The following ACAT1 variants were observed in gnomAD, a reference collection of about 807,000 sequenced individuals.
ACAT1 encodes the protein acetyl-CoA acetyltransferase, mitochondrial.
ACAT1 carries 28 observed loss-of-function variants against 47.3 expected under a neutral mutation model. That is an observed-to-expected ratio of 0.59 (90% CI 0.44 to 0.81). ACAT1 has a LOEUF of 0.81. Among genes scored for constraint, ACAT1 ranks in the 30% least tolerant of loss-of-function variants. The pLI, the probability that ACAT1 is intolerant of heterozygous loss-of-function variation, is 0.00. For missense variants in ACAT1, 469 were observed against 524.3 expected (o/e 0.89, Z 1.03); for synonymous variants, 181 against 173.6 (o/e 1.04, Z -0.34).
intron 9 of ACAT1, chr11:108,143,006 A>G (rs1317640594): frequency 2.2e-5 from 4 of 178,618 alleles, no homozygotes; most frequent in Non-Finnish European, 4.8e-5. Flanking sequence ...TTTTCATTAT[A>G]CTTTATATAA....
chr11:108,141,491 T>TAA, intron 7 of ACAT1, 114 bp from the exon 8 acceptor site: 1 of 736,368 alleles, frequency 1.4e-6, no homozygotes, highest in Non-Finnish European at 2.4e-6. Context: ...TGGGATGGTT[T>TAA]AAGTGAAGCA....
At position 108,141,577 on chromosome 11, in the gene ACAT1, G is replaced by A. The variant is rs112489357; in HGVS notation, c.731-28G>A. ...TGCTGAATGACTACTTGTTTTGAGC[G>A]ATTTTACTTAAAATATTTTTATTTT... On this transcript the variant is annotated intron_variant, in intron 7 of 11. Transcript: ENST00000265838. 1.7e-3 allele frequency: 2,726 copies of A among 1,566,610 alleles called. 42 individuals carry two copies. The African/African-American group carries it at 0.032, about 18-fold the overall frequency.
chr11:108,142,528 T>TA lies in ACAT1; in HGVS notation c.919dup (p.Thr307AsnfsTer11). On this transcript the variant is annotated frameshift_variant, in exon 9 of 12. Coordinates refer to ENST00000265838, the MANE Select transcript of ACAT1 (RefSeq NM_000019.4). LOFTEE classifies it high-confidence loss of function. ...CAGATGCAGCGAAGAGGCTCAATGT[T>TA]ACACCACTGGCAAGAATAGTAGGTA... 6.2e-7 allele frequency: 1 copy of TA among 1,614,140 alleles called. No homozygotes were observed. The highest frequency in any genetic ancestry group is 1.1e-5 in the South Asian group (1 of 91,082).
chr11:108,137,576 A>G (rs774670973), intron 5 of ACAT1, among the ~76,000 whole-genome samples: 9 of 152,172 alleles, frequency 5.9e-5, no homozygotes, highest in Non-Finnish European at 1.2e-4. Context: ...TATTTTCATG[A>G]ACTGAGATTA....
chr11:108,128,356 C>T lies in ACAT1; in HGVS notation c.73-3551C>T, dbSNP rs143400876. 5.8e-3 allele frequency among the ~76,000 whole-genome samples: 882 copies of T among 152,198 alleles called. 9 individuals are homozygous for T. The highest frequency in any genetic ancestry group is 0.02 in the African/African-American group (835 of 41,542). ...CTGTAATCCCAGCACTTTGGGAGGC[C>T]GAGGCAGGCGGATCACCTGAGGTCA... On this transcript the variant is annotated intron_variant, in intron 1 of 11. Transcript: ENST00000265838.
rs747385049 is a variant in ACAT1, at chr11:108,135,253, C to T, written c.435+11C>T. ...ATGTGTGGACATCAGGTAAGAAACA[C>T]CGTCCTTCCCATTTATTAATCAGAG... On this transcript the variant is annotated intron_variant, in intron 5 of 11. Coordinates refer to ENST00000265838, the MANE Select transcript of ACAT1 (RefSeq NM_000019.4). 3 of 1,572,116 alleles carry T rather than the reference C, an allele frequency of 1.9e-6. No homozygotes were observed. The highest frequency in any genetic ancestry group is 2.6e-6 in the Non-Finnish European group (3 of 1,142,184).
chr11:108,126,610 A>G (rs1221915281), intron 1 of ACAT1, among the ~76,000 whole-genome samples: 2 of 152,130 alleles, frequency 1.3e-5, no homozygotes, highest in Middle Eastern at 3.2e-3. Context: ...AAGGCCATTA[A>G]TAGGAACAAG....
intron 1 of ACAT1, among the ~76,000 whole-genome samples, chr11:108,125,817 C>T (rs1377378368): frequency 1.1e-4 from 17 of 151,588 alleles, no homozygotes; most frequent in Non-Finnish European, 1.9e-4. Context: ...TCCCAGCTAC[C>T]TGGAAGGCTG....
chr11:108,132,853 CAAAAAAAAAAAAAAAAAAAA>C (rs57501370), intron 2 of ACAT1, among the ~76,000 whole-genome samples: 1 of 47,894 alleles, frequency 2.1e-5, no homozygotes, highest in African/African-American at 8.9e-5. Context: ...AACTCCATCT[CAAAAAAAAAAAAAAAAAAAA>C]AAAAAAAAGA....
At chr11:108,136,050 A>C in intron 5 of ACAT1, 1 of 652,018 alleles carries the variant, frequency 1.5e-6, no homozygotes, top group Non-Finnish European at 2.7e-6. Flanking sequence ...TTGCTGATCT[A>C]TATCTTGTCT....
chr11:108,134,520 C>T (rs2077425285), intron 4 of ACAT1: 2 of 391,750 alleles, frequency 5.1e-6, no homozygotes, highest in Non-Finnish European at 9.6e-6. Flanking sequence ...GTGCACTAAT[C>T]CCAGCTACTT....
rs763057907 is a variant in ACAT1, at chr11:108,146,376, A to T, written c.1163+17A>T. The T allele has an allele frequency of 1.2e-6, 2 of 1,612,638 alleles. No individual in the cohort carries two copies. The highest frequency in any genetic ancestry group is 2.2e-5 in the South Asian group (2 of 91,038). On this transcript the variant is annotated intron_variant, in intron 11 of 11. Coordinates refer to ENST00000265838, the MANE Select transcript of ACAT1 (RefSeq NM_000019.4). ...TCCAATTGGGTAGGTAAAAATAATA[A>T]CTATATCTAGGTTAAGAGCTGCCTT...
At chr11:108,134,045 T>C in intron 3 of ACAT1, 108 bp downstream of exon 3, 1 of 1,181,506 alleles carries the variant, frequency 8.5e-7, no homozygotes, top group South Asian at 1.3e-5. Context: ...ACTTAATGCC[T>C]ACATTTCTGC....
intron 9 of ACAT1, chr11:108,143,028 A>T (rs1340642754): frequency 5.9e-6 from 1 of 168,964 alleles, no homozygotes; most frequent in Admixed American, 5.6e-5. Context: ...ATTAAGCTTT[A>T]AGGGCTGGGC....
chr11:108,120,884 CCTA>C (rs2077136674), upstream of ACAT1, among the ~76,000 whole-genome samples: 1 of 151,284 alleles, frequency 6.6e-6, no homozygotes, highest in South Asian at 2.1e-4. Flanking sequence ...CATAGGGAGA[CCTA>C]GTCTCTACAA....
At chr11:108,147,172 C>A in intron 11 of ACAT1, 98 bp from the exon 12 acceptor site, 3 of 1,409,328 alleles carry the variant, frequency 2.1e-6, no homozygotes, top group Non-Finnish European at 2.9e-6. Flanking sequence ...GTAGTAGTGG[C>A]TAGTAAGGTT....
intron 1 of ACAT1, among the ~76,000 whole-genome samples, chr11:108,123,148 T>C (rs1182406956): frequency 2.6e-5 from 4 of 151,872 alleles, no homozygotes; most frequent in Non-Finnish European, 5.9e-5. Context: ...GGCAGGAGAA[T>C]CGCTTGAACC....
chr11:108,136,619 A>C (rs955633796), intron 5 of ACAT1: 20 of 152,380 alleles, frequency 1.3e-4, no homozygotes, highest in African/African-American at 4.6e-4. Context: ...TTGTGGATAT[A>C]TACAGTGACT....
At chr11:108,144,294 TGTAA>T (rs987602267) in intron 10 of ACAT1, 7 of 528,458 alleles carry the variant, frequency 1.3e-5, no homozygotes, top group Admixed American at 1.3e-4. Flanking sequence ...CTGAATTACT[TGTAA>T]GTATCATACA....
Sources: gnomAD v4.1 joint callset for allele counts (sites outside exome capture counted in the v4.1 genomes callset) on GRCh38, gnomAD v4.1.1 for gene constraint, MANE v1.5 for transcripts, NCBI Gene and HGNC (gene_info 2026-07-23, HGNC 2026-07-21) for gene names.